The following ARB2A variants were observed in gnomAD, a reference collection of about 807,000 sequenced individuals.
ARB2A encodes cotranscriptional regulator ARB2A.
At chr5:93,741,507 GC>G in the ARB2A span, 1 of 1,610,274 alleles carries the variant, frequency 6.2e-7, no homozygotes, top group Non-Finnish European at 8.5e-7. Context: ...CTCTGGGGCC[GC>G]CCCCACCACT....
the ARB2A span, among the ~76,000 whole-genome samples, chr5:94,049,543 CA>C: frequency 2.7e-5 from 4 of 148,392 alleles, no homozygotes; most frequent in African/African-American, 9.9e-5. Context: ...ACTAAAAGTA[CA>C]AAAAAAAATT....
chr5:93,928,280 A>C, the ARB2A span, among the ~76,000 whole-genome samples: 1 of 152,154 alleles, frequency 6.6e-6, no homozygotes, highest in African/African-American at 2.4e-5. Flanking sequence ...AGATTTCATT[A>C]GTTTGATTGA....
chr5:93,749,362 G>C, the ARB2A span, among the ~76,000 whole-genome samples: 3 of 152,160 alleles, frequency 2.0e-5, no homozygotes, highest in Non-Finnish European at 4.4e-5. Flanking sequence ...GGCAAAGTTT[G>C]TTCTTAATGC....
the ARB2A span, among the ~76,000 whole-genome samples, chr5:93,797,858 A>T: frequency 6.6e-6 from 1 of 152,140 alleles, no homozygotes; most frequent in Non-Finnish European, 1.5e-5. Flanking sequence ...GTACAGTACA[A>T]GGGAAGTGAT....
At chr5:93,856,403 T>A in the ARB2A span, among the ~76,000 whole-genome samples, 3 of 152,214 alleles carry the variant, frequency 2.0e-5, no homozygotes, top group Non-Finnish European at 2.9e-5. Flanking sequence ...ATTCTCCCCG[T>A]CAGTTTCAGG....
chr5:93,724,131 T>C, the ARB2A span, among the ~76,000 whole-genome samples: 41 of 152,142 alleles, frequency 2.7e-4, no homozygotes, highest in South Asian at 8.5e-3. Context: ...CTTTTTTTTT[T>C]CATGCAAAAA....
chr5:94,092,524 TTG>T, the ARB2A span, among the ~76,000 whole-genome samples: 10 of 152,214 alleles, frequency 6.6e-5, no homozygotes, highest in Non-Finnish European at 1.2e-4. Flanking sequence ...AGTCTTATTT[TTG>T]TGTCTTTCAT....
chr5:93,839,543 G>C, the ARB2A span, among the ~76,000 whole-genome samples: 1 of 152,204 alleles, frequency 6.6e-6, no homozygotes, highest in Admixed American at 6.5e-5. Context: ...TATAGAATGG[G>C]TTAGGGTAAA....
the ARB2A span, among the ~76,000 whole-genome samples, chr5:93,647,418 G>A: frequency 2.0e-5 from 3 of 152,144 alleles, no homozygotes; most frequent in Non-Finnish European, 4.4e-5. Flanking sequence ...AGTAGAGATG[G>A]GGTTTTACCA....
the ARB2A span, among the ~76,000 whole-genome samples, chr5:93,877,205 A>T: frequency 2.0e-5 from 3 of 152,144 alleles, no homozygotes; most frequent in Non-Finnish European, 4.4e-5. Flanking sequence ...TCTACAAATA[A>T]GTCTCACTTT....
the ARB2A span, among the ~76,000 whole-genome samples, chr5:93,831,857 G>A: frequency 2.0e-5 from 3 of 152,302 alleles, no homozygotes; most frequent in South Asian, 6.2e-4. Context: ...GAAACTTCAT[G>A]TTTCCATGGG....
At chr5:93,885,925 C>A in the ARB2A span, among the ~76,000 whole-genome samples, 1 of 151,572 alleles carries the variant, frequency 6.6e-6, no homozygotes, top group Admixed American at 6.6e-5. Context: ...ATCATTCAAC[C>A]AACAAATGAT....
the ARB2A span, among the ~76,000 whole-genome samples, chr5:93,625,877 G>C: frequency 5.9e-5 from 9 of 152,294 alleles, no homozygotes; most frequent in South Asian, 1.7e-3. Context: ...TAGGATAAGA[G>C]AGATGAAAAC....
the ARB2A span, among the ~76,000 whole-genome samples, chr5:93,718,951 C>G: frequency 2.0e-5 from 3 of 152,178 alleles, no homozygotes; most frequent in African/African-American, 7.2e-5. Context: ...TACTGATTCA[C>G]TCCTGATGCA....
the ARB2A span, among the ~76,000 whole-genome samples, chr5:93,954,513 T>C: frequency 2.0e-5 from 3 of 151,970 alleles, no homozygotes; most frequent in African/African-American, 7.3e-5. Context: ...AAGTCTTCTT[T>C]ACCTTTCCCT....
At chr5:93,620,760 T>G in the ARB2A span, 1 of 456,394 alleles carries the variant, frequency 2.2e-6, no homozygotes, top group South Asian at 6.4e-5. Flanking sequence ...CTGGCAGCGC[T>G]CAGCCCGCGC....
chr5:93,775,633 T>C, the ARB2A span, among the ~76,000 whole-genome samples: 1 of 152,228 alleles, frequency 6.6e-6, no homozygotes, highest in Non-Finnish European at 1.5e-5. Flanking sequence ...TTCAGATCCA[T>C]TCCTGCTGTT....
chr5:93,661,886 C>T, the ARB2A span, among the ~76,000 whole-genome samples: 1 of 152,000 alleles, frequency 6.6e-6, no homozygotes, highest in Admixed American at 6.6e-5. Context: ...GACCTGAAGG[C>T]CATGCATTTC....
At chr5:93,994,063 G>A in the ARB2A span, among the ~76,000 whole-genome samples, 2 of 151,998 alleles carry the variant, frequency 1.3e-5, no homozygotes, top group African/African-American at 2.4e-5. Flanking sequence ...TACTGTTGAC[G>A]GGAATGAAAA....
Sources: allele counts gnomAD v4.1 joint callset (sites outside exome capture counted in the v4.1 genomes callset), GRCh38; gene constraint gnomAD v4.1.1; transcripts MANE v1.5; gene names NCBI Gene and HGNC (gene_info 2026-07-23, HGNC 2026-07-21).